Variants in MYCBP2 observed in about 807,000 individuals in gnomAD.
The protein encoded by MYCBP2 is MYC binding protein 2, also known as E3 ubiquitin-protein ligase MYCBP2.
In MYCBP2, 120 loss-of-function variants were observed where a neutral mutation model predicts 525.3. The ratio of observed to expected loss-of-function variants is 0.23; its 90% confidence interval spans 0.20 to 0.27. The LOEUF (loss-of-function observed/expected upper bound fraction) is 0.27, where lower values mean the gene tolerates loss of function less well. Among genes scored for constraint, MYCBP2 ranks in the 10% least tolerant of loss-of-function variants. The pLI, the probability that MYCBP2 is intolerant of heterozygous loss-of-function variation, is 1.00. For missense variants in MYCBP2, 4,149 were observed against 5,657.1 expected (o/e 0.73, Z 8.55); for synonymous variants, 1,894 against 1,955.8 (o/e 0.97, Z 0.83).
Position 77,096,326 on chromosome 13 carries a change from C to T in MYCBP2, c.9940G>A (p.Ala3314Thr). 1 of 1,613,092 alleles carries T rather than the reference C, an allele frequency of 6.2e-7. No homozygotes were observed. Among genetic ancestry groups the T allele is most frequent in the Non-Finnish European group, 8.5e-7 (1 of 1,179,400 alleles). ...GAATAAAATACCTTCTCCCTTGCAG[C>T]AGCCTGTTTTTCGCGGAGGTATTTT... is the stretch of plus-strand genomic sequence containing the variant. Reference protein sequence around the residue: ...REKYLREKQAAAREKVKQSRR... With the variant: ...REKYLREKQATAREKVKQSRR... The change falls in exon 57 of 83, where the codon GCT (alanine) becomes ACT (threonine). Residue 3314 changes from alanine to threonine, a missense_variant. Transcript: ENST00000544440.
intron 40 of MYCBP2, among the ~76,000 whole-genome samples, chr13:77,167,622 A>G (rs547884527): frequency 6.6e-6 from 1 of 152,324 alleles, no homozygotes; most frequent in Non-Finnish European, 1.5e-5. Flanking sequence ...TGATGTTTGC[A>G]GACATTAAAT....
chr13:77,146,894 AG>A (rs1303876336), intron 47 of MYCBP2, among the ~76,000 whole-genome samples: 1 of 152,152 alleles, frequency 6.6e-6, no homozygotes, highest in Non-Finnish European at 1.5e-5. Flanking sequence ...TCCACTTCTA[AG>A]TATGTATCTT....
intron 27 of MYCBP2, 56 bp from the exon 28 acceptor site, chr13:77,191,869 A>T: frequency 3.2e-6 from 5 of 1,550,300 alleles, no homozygotes; most frequent in Non-Finnish European, 4.4e-6. Flanking sequence ...TGTCACATAT[A>T]TTTATTTTTT....
intron 3 of MYCBP2, among the ~76,000 whole-genome samples, chr13:77,286,277 T>C (rs535960265): frequency 5.9e-5 from 9 of 152,326 alleles, no homozygotes; most frequent in African/African-American, 2.2e-4. Context: ...GGCATAATTT[T>C]AAGGTATCAG....
At chr13:77,060,010 C>T (rs1430109912) in intron 76 of MYCBP2, among the ~76,000 whole-genome samples, 2 of 152,004 alleles carry the variant, frequency 1.3e-5, no homozygotes, top group African/African-American at 4.8e-5. Flanking sequence ...AAATCTTTAA[C>T]TATATATAAC....
Position 77,243,786 on chromosome 13 carries a change from G to C in MYCBP2, c.2527+20C>G, listed in dbSNP as rs1353117057. 6.2e-7 allele frequency: 1 copy of C among 1,610,616 alleles called. No individual in the cohort carries two copies. The highest frequency in any genetic ancestry group is 1.7e-5 in the Admixed American group (1 of 59,644). On this transcript the variant is annotated intron_variant, in intron 16 of 82. Transcript: ENST00000544440. ...GTTGAGGACAACTCAGTGTAGCATA[G>C]TATAATCAATCAAAATTACCTAAAA...
intron 47 of MYCBP2, among the ~76,000 whole-genome samples, chr13:77,148,557 CT>C (rs1308091435): frequency 6.6e-6 from 1 of 152,060 alleles, no homozygotes; most frequent in African/African-American, 2.4e-5. Flanking sequence ...CCACTGTCCT[CT>C]CTTTAGCTAC....
At chr13:77,275,971 G>A (rs1205400647) in intron 4 of MYCBP2, among the ~76,000 whole-genome samples, 4 of 152,126 alleles carry the variant, frequency 2.6e-5, no homozygotes, top group Non-Finnish European at 4.4e-5. Flanking sequence ...GCAACAGAGC[G>A]AGACTCCGTC....
Position 77,168,644 on chromosome 13 carries a change from C to T in MYCBP2, c.5898G>A (p.Val1966=). 2.5e-6 allele frequency: 4 copies of T among 1,613,854 alleles called. No individual in the cohort carries two copies. Among genetic ancestry groups the T allele is most frequent in the Non-Finnish European group, 3.4e-6 (4 of 1,179,862 alleles). ...GGACAAGGCCAAAGACTTCTACAGC[C>T]ACCTAGTACACATATAAAAATATGG... The part of the protein sequence containing the change: ...IGPVAAAIPK[V]AVEVFGLVQQ... The change falls in exon 40 of 83, where the codon GTG becomes GTA. Residue 1966 remains valine, a splice_region_variant and synonymous_variant. Transcript: ENST00000544440.
intron 40 of MYCBP2, 129 bp downstream of exon 40, chr13:77,168,299 T>A: frequency 1.5e-6 from 1 of 686,728 alleles, no homozygotes; most frequent in South Asian, 2.0e-5. Context: ...AATCACCTGC[T>A]GATTCTCTAT....
Position 77,077,202 on chromosome 13 carries a change from C to T in MYCBP2, c.11670G>A (p.Gln3890=). The T allele has an allele frequency of 2.5e-6, 4 of 1,614,056 alleles. No homozygotes were observed. The highest frequency in any genetic ancestry group is 1.7e-6 in the Non-Finnish European group (2 of 1,179,978). Residue 3890 remains glutamine, a synonymous_variant, in exon 67 of 83, where the codon CAG becomes CAA. Coordinates refer to ENST00000544440, the MANE Select transcript of MYCBP2 (RefSeq NM_015057.5). ...GAGTCTCAGCTTCACAGTTCCTCTG[C>T]TGGGCCACACTGGCTGAAATCTGGC... ...IAGQISASVA[Q]QRNCEAETLR... is the part of the protein sequence containing the mutation.
intron 52 of MYCBP2, among the ~76,000 whole-genome samples, chr13:77,128,815 A>T (rs2052186048): frequency 6.6e-6 from 1 of 151,984 alleles, no homozygotes; most frequent in Non-Finnish European, 1.5e-5. Flanking sequence ...TCAAAGAGGG[A>T]ATGTGAAAGT....
At chr13:77,132,223 C>T (rs2053005469) in intron 52 of MYCBP2, among the ~76,000 whole-genome samples, 1 of 152,094 alleles carries the variant, frequency 6.6e-6, no homozygotes, top group East Asian at 1.9e-4. Context: ...TATACACATA[C>T]ACACAAAGCT....
intron 15 of MYCBP2, among the ~76,000 whole-genome samples, chr13:77,246,539 A>G (rs1016843982): frequency 4.0e-5 from 6 of 149,798 alleles, no homozygotes; most frequent in Non-Finnish European, 7.4e-5. Flanking sequence ...AAAGAAGGAG[A>G]AGGAGGAGGA....
intron 1 of MYCBP2, among the ~76,000 whole-genome samples, chr13:77,316,362 C>T (rs1260653896): frequency 6.6e-6 from 1 of 152,162 alleles, no homozygotes; most frequent in Non-Finnish European, 1.5e-5. Flanking sequence ...CAGGCTGCCC[C>T]CAAGAATGAT....
At chr13:77,246,501 A>T (rs1400306839) in intron 15 of MYCBP2, among the ~76,000 whole-genome samples, 13 of 151,580 alleles carry the variant, frequency 8.6e-5, no homozygotes, top group Non-Finnish European at 4.4e-5. Flanking sequence ...AGGAAGAAGG[A>T]AAAGAAGGAG....
Position 77,259,464 on chromosome 13 carries a change from A to G in MYCBP2, c.2017+964T>C, listed in dbSNP as rs150141272. 2.8e-3 allele frequency among the ~76,000 whole-genome samples: 426 copies of G among 152,338 alleles called. 1 individual carries two copies. The highest frequency in any genetic ancestry group is 4.2e-3 in the Non-Finnish European group (289 of 68,032). On this transcript the variant is annotated intron_variant, in intron 13 of 82. Coordinates refer to ENST00000544440, the MANE Select transcript of MYCBP2 (RefSeq NM_015057.5). ...ATGTTGAAGAAATATACAAGTTTCC[A>G]TCAGCTCTACCCAGTGGATGTTAGC...
chr13:77,068,518 GT>G (rs1287489831), intron 70 of MYCBP2, 46 bp downstream of exon 70: 3 of 1,583,478 alleles, frequency 1.9e-6, no homozygotes, highest in African/African-American at 2.7e-5. Flanking sequence ...TTTTAACAAT[GT>G]TTCAAGTAAC....
chr13:77,218,303 T>C (rs1187870730), intron 20 of MYCBP2, among the ~76,000 whole-genome samples: 3 of 152,166 alleles, frequency 2.0e-5, no homozygotes, highest in African/African-American at 7.2e-5. Flanking sequence ...AATTATTGGA[T>C]GAAATAAAAA....
Sources: gnomAD v4.1 joint callset for allele counts (sites outside exome capture counted in the v4.1 genomes callset) on GRCh38, gnomAD v4.1.1 for gene constraint, MANE v1.5 for transcripts, NCBI Gene and HGNC (gene_info 2026-07-23, HGNC 2026-07-21) for gene names.